Variants in C1S observed in about 807,000 individuals in gnomAD.
C1S encodes the protein complement C1s, also known as complement C1s subcomponent.
In C1S, 31 loss-of-function variants were observed where a neutral mutation model predicts 54.0. That is an observed-to-expected ratio of 0.57 (90% confidence interval 0.43 to 0.78). C1S has a LOEUF of 0.78. C1S is among the 30% of genes least tolerant of loss of function. The pLI is 0.00. For missense variants in C1S, 727 were observed against 851.8 expected, an observed-to-expected ratio of 0.85 and a Z score of 1.82; for synonymous variants, 292 against 303.6, an observed-to-expected ratio of 0.96 and a Z score of 0.40.
At chr12:7,067,334 T>C (rs1263307037) in intron 9 of C1S, 5 of 635,716 alleles carry the variant, frequency 7.9e-6, no homozygotes, top group Non-Finnish European at 1.4e-5. Context: ...AAAGGGGCTA[T>C]GGGATAGGTC....
At chr12:7,068,928 A>C (rs939483080) in intron 11 of C1S, 5 of 222,536 alleles carry the variant, frequency 2.2e-5, no homozygotes, top group Non-Finnish European at 3.7e-5. Flanking sequence ...AATTCAAAGA[A>C]TGAGGAAGAT....
At chr12:7,064,826 A>G (rs1384616942) in intron 5 of C1S, among the ~76,000 whole-genome samples, 1 of 152,206 alleles carries the variant, frequency 6.6e-6, no homozygotes, top group Non-Finnish European at 1.5e-5. Context: ...TTAATTGGAT[A>G]AGAGAGATAG....
chr12:7,067,984 A>G (rs782139775), intron 10 of C1S, among the ~76,000 whole-genome samples: 1 of 152,326 alleles, frequency 6.6e-6, no homozygotes, highest in Non-Finnish European at 1.5e-5. Context: ...GAGGTCACCA[A>G]CTGAGTTCAC....
chr12:7,070,335 C>T lies in C1S; in HGVS notation c.1751C>T (p.Ala584Val), dbSNP rs782616996. ...AGAGATCGTGCTGTTCGCCTCAAGGCGGCAAGGTTACCTGTAGCTCCTTTA... is the reference window on the plus strand; with the variant it reads ...AGAGATCGTGCTGTTCGCCTCAAGGTGGCAAGGTTACCTGTAGCTCCTTTA... ...EKRDRAVRLKAARLPVAPLRK... is the reference protein window; with the variant it reads ...EKRDRAVRLKVARLPVAPLRK... Residue 584 changes from alanine to valine, a missense_variant, in exon 12 of 12, where the codon GCG becomes GTG. Transcript: ENST00000360817. This position sits in a 1 kb window ranked among gnomAD's most constrained non-coding sequence, Gnocchi z 4.9. 1.7e-5 allele frequency: 28 copies of T among 1,614,114 alleles called. No homozygotes were observed. The highest frequency in any genetic ancestry group is 1.0e-4 in the Admixed American group (6 of 60,014).
In C1S at chr12:7,067,094, G is replaced by A. The variant is rs1937687002; in HGVS notation, c.1043G>A (p.Ser348Asn). 2.5e-6 allele frequency: 4 copies of A among 1,608,938 alleles called. No individual in the cohort carries two copies. Among genetic ancestry groups the A allele is most frequent in the Non-Finnish European group, 2.6e-6 (3 of 1,175,264 alleles). Residue 348 changes from serine to asparagine, a missense_variant, in exon 9 of 12, where the codon AGT (serine) becomes AAT (asparagine). By Grantham distance (46) the Ser-to-Asn change is conservative (BLOSUM62 1). This residue lies in a region of C1S where 360 missense variants were observed against 453.6 expected (regional missense o/e 0.79). Coordinates refer to ENST00000360817, the MANE Select transcript of C1S (RefSeq NM_001734.5). ...ACTTGTCAAAGCAATGGAAAGTGGA[G>A]TAATTCCAAACTGAAATGTCAACGT... ...YSTCQSNGKW[S>N]NSKLKCQPVD...
rs1947138462 is a variant in C1S at position 7,064,144 on chromosome 12, C to T, written c.392-123C>T. 8.3e-6 allele frequency: 8 copies of T among 959,128 alleles called. No homozygotes were observed. The East Asian group carries it at 1.9e-4, about 23-fold the overall frequency. The allele number at this position is 959,128 out of a possible 1,614,324, so 59.4% of individuals were successfully genotyped here. A position where few individuals can be genotyped will look rare whatever the true frequency, so the allele number is the denominator to read the frequency against. On this transcript the variant is annotated intron_variant, in intron 4 of 11. Transcript: ENST00000360817. Reference sequence around the variant, plus strand: ...AATAATAGTAGCCTGAAATGTGATCCCTTGACGGATCTTTAAGCAATAGGC... The same window carrying T: ...AATAATAGTAGCCTGAAATGTGATCTCTTGACGGATCTTTAAGCAATAGGC...
At chr12:7,065,672 A>C in intron 6 of C1S, 145 bp from the exon 7 acceptor site, 1 of 766,028 alleles carries the variant, frequency 1.3e-6, no homozygotes, top group Admixed American at 2.1e-5. Flanking sequence ...ACTCAGCCTG[A>C]AGATAAAATT....
rs1259747899 is a variant in C1S, at chr12:7,069,807, C to G, written c.1271-48C>G. The G allele has an allele frequency of 2.7e-6, 4 of 1,466,628 alleles. No homozygotes were observed. The South Asian group carries it at 3.4e-5, about 13-fold the overall frequency. The allele number at this position is 1,466,628 out of a possible 1,614,324, so 90.9% of individuals were successfully genotyped here. A position where few individuals can be genotyped will look rare whatever the true frequency, so the allele number is the denominator to read the frequency against. On this transcript the variant is annotated intron_variant, in intron 11 of 11. Coordinates refer to ENST00000360817, the MANE Select transcript of C1S (RefSeq NM_001734.5). The stretch of plus-strand genomic sequence containing the variant: ...GAGTGGTTGGAGGATTTGCAGGAAG[C>G]CAGCATCATTTCTTCCTCCTTCCCT...
chr12:7,065,539 C>CT (rs58858630), intron 6 of C1S: 37,255 of 426,414 alleles, frequency 0.087, 7 homozygotes, highest in East Asian at 0.15. Context: ...TATTGTTATT[C>CT]TTTTTTTTTT....
intron 4 of C1S, chr12:7,064,018 A>G (rs962305766): frequency 3.8e-6 from 2 of 521,194 alleles, no homozygotes; most frequent in African/African-American, 3.9e-5. Context: ...TCGGTGACAG[A>G]GTGAGGCTAT....
intron 6 of C1S, 70 bp from the exon 7 acceptor site, chr12:7,065,747 A>G: frequency 2.4e-6 from 3 of 1,263,818 alleles, no homozygotes; most frequent in Admixed American, 1.7e-5. Flanking sequence ...TTTTATTTGT[A>G]TCTCCCACTT....
rs1194438461 is a variant in C1S at position 7,069,956 on chromosome 12, C to A, written c.1372C>A (p.Pro458Thr). Residue 458 changes from proline to threonine, a missense_variant, in exon 12 of 12, where the codon CCA (proline) becomes ACA (threonine). Physicochemically the swap from Pro to Thr is conservative, Grantham distance 38. Transcript: ENST00000360817. ...CCCCTGGCAAGTCTTCTTTGACAAC[C>A]CATGGGCTGGTGGAGCGCTCATTAA... is the stretch of plus-strand genomic sequence containing the variant. ...NFPWQVFFDN[P>T]WAGGALINEY... The A allele has an allele frequency of 3.1e-6, 5 of 1,614,130 alleles. No homozygotes were observed. The highest frequency in any genetic ancestry group is 4.2e-6 in the Non-Finnish European group (5 of 1,180,016).
At chr12:7,066,023 A>G (rs781987334) in intron 7 of C1S, 53 bp downstream of exon 7, 135 of 1,507,388 alleles carry the variant, frequency 9.0e-5, no homozygotes, top group Non-Finnish European at 1.2e-4. Flanking sequence ...TCCCCAAACA[A>G]TGTGGGATCA....
rs1591580016 is a variant in C1S, at chr12:7,067,640, T to G, written c.1067-3T>G. The G allele has an allele frequency of 6.2e-7, 1 of 1,613,938 alleles. No individual in the cohort carries two copies. Among genetic ancestry groups the G allele is most frequent in the Non-Finnish European group, 8.5e-7 (1 of 1,179,978 alleles). On this transcript the variant is annotated splice_region_variant and splice_polypyrimidine_tract_variant and intron_variant, in intron 9 of 11. Transcript: ENST00000360817. ...CCATCGCTCTCCTTCCTTCGTCTGG[T>G]AGCTGTGGACTGTGGCATTCCTGAA...
chr12:7,066,456 G>C (rs1937662433), intron 7 of C1S, 62 bp from the exon 8 acceptor site: 1 of 925,486 alleles, frequency 1.1e-6, no homozygotes, highest in Non-Finnish European at 1.8e-6. Context: ...GATGTAAATA[G>C]AATGAGAGTC....
At chr12:7,066,931 T>G in intron 8 of C1S, 108 bp from the exon 9 acceptor site, 1 of 825,780 alleles carries the variant, frequency 1.2e-6, no homozygotes. Context: ...CCAAGCTTCT[T>G]GTGGTGAGGA....
chr12:7,062,948 CCCACTCT>C lies in C1S; in HGVS notation c.276_282del (p.His92GlnfsTer15). On this transcript the variant is annotated frameshift_variant, in exon 4 of 12. Transcript: ENST00000360817. LOFTEE classifies it high-confidence loss of function. Reference sequence around the variant, plus strand: ...TGTGGACAGAGGAGCAGTAACAATCCCCACTCTCCAATTGTGGAAGAGTTCCAAGTCC... The same window carrying C: ...TGTGGACAGAGGAGCAGTAACAATCCCCAATTGTGGAAGAGTTCCAAGTCC... The C allele has an allele frequency of 6.2e-7, 1 of 1,613,930 alleles. No homozygotes were observed. The highest frequency in any genetic ancestry group is 8.5e-7 in the Non-Finnish European group (1 of 1,179,884).
At chr12:7,066,905 G>A in intron 8 of C1S, 134 bp from the exon 9 acceptor site, 1 of 749,316 alleles carries the variant, frequency 1.3e-6, no homozygotes, top group Non-Finnish European at 2.4e-6. Context: ...GGTGCTTTAG[G>A]TCTGCTAAGA....
intron 11 of C1S, chr12:7,068,805 T>C (rs1937750525): frequency 2.1e-6 from 1 of 487,548 alleles, no homozygotes; most frequent in Non-Finnish European, 3.7e-6. Flanking sequence ...ACAGAACTGC[T>C]AAAAACAGGG....
Sources: gnomAD v4.1 joint callset for allele counts (sites outside exome capture counted in the v4.1 genomes callset) on GRCh38, gnomAD v4.1.1 for gene constraint, gnomAD v4.1.1 regional missense constraint, Gnocchi (gnomAD v3.1) non-coding constraint, MANE v1.5 for transcripts, NCBI Gene and HGNC (gene_info 2026-07-23, HGNC 2026-07-21) for gene names.